The following ADAMTS10 variants were observed in gnomAD, a reference collection of about 807,000 sequenced individuals.
ADAMTS10 encodes ADAM metallopeptidase with thrombospondin type 1 motif 10, also known as A disintegrin and metalloproteinase with thrombospondin motifs 10.
ADAMTS10 carries 48 observed loss-of-function variants against 135.9 expected under a neutral mutation model. That is an observed-to-expected ratio of 0.35 (90% confidence interval 0.28 to 0.45). ADAMTS10 has a LOEUF of 0.45. Ranked by LOEUF, ADAMTS10 falls within the 20% of genes least tolerant of loss-of-function variation. The pLI, the probability that ADAMTS10 is intolerant of heterozygous loss-of-function variation, is 1.00. For synonymous variants in ADAMTS10, 621 were observed against 647.5 expected (o/e 0.96, Z 0.62); for missense variants, 1,131 against 1,565.2 (o/e 0.72, Z 4.68).
chr19:8,596,268 C>A lies in ADAMTS10; in HGVS notation c.1190+39G>T. On this transcript the variant is annotated intron_variant, in intron 10 of 25. Coordinates refer to ENST00000597188, the MANE Select transcript of ADAMTS10 (RefSeq NM_030957.4). This position sits in a 1 kb window ranked among gnomAD's most constrained non-coding sequence, Gnocchi z 7.2. ...GCCGGGCGCTGAGGGACCCGCCCAG[C>A]TCCTCCCCTCCTCCCCCTCTTGTGT... 1.9e-6 allele frequency: 3 copies of A among 1,612,778 alleles called. No individual in the cohort carries two copies. The highest frequency in any genetic ancestry group is 2.5e-6 in the Non-Finnish European group (3 of 1,180,006).
At chr19:8,593,169 G>A (rs2042564021) in intron 12 of ADAMTS10, 2 of 487,834 alleles carry the variant, frequency 4.1e-6, no homozygotes, top group Non-Finnish European at 7.5e-6. Flanking sequence ...AGGTCACACA[G>A]CTACTAAGGG....
chr19:8,604,836 A>G (rs2042702016), intron 4 of ADAMTS10, 176 bp downstream of exon 4: 1 of 714,470 alleles, frequency 1.4e-6, no homozygotes, highest in Admixed American at 2.6e-5. Context: ...GCCTTACCTA[A>G]GGCTATACAT....
At position 8,598,565 on chromosome 19, in the gene ADAMTS10, A is replaced by AT. The variant is rs34389376; in HGVS notation, c.811-1249dup. Among the ~76,000 whole-genome samples, 149 of 70,744 alleles carry AT rather than the reference A, an allele frequency of 2.1e-3. 2 individuals carry two copies. Among genetic ancestry groups the AT allele is most frequent in the South Asian group, 2.9e-3 (5 of 1,702 alleles). The allele number at this position is 70,744 out of a possible 152,430, so 46.4% of individuals were successfully genotyped here. ...ATTTCCCCGTCTGGAAATCCCCAGA[A>AT]TTTTTTTTTTTTTTTTTTTTTTTTT... On this transcript the variant is annotated intron_variant, in intron 6 of 25. Transcript: ENST00000597188.
chr19:8,594,793 G>A (rs2042583161), intron 12 of ADAMTS10, among the ~76,000 whole-genome samples: 1 of 152,202 alleles, frequency 6.6e-6, no homozygotes, highest in Admixed American at 6.5e-5. Flanking sequence ...ATCATTGTTA[G>A]GATACCTGGG....
At chr19:8,584,154 C>CAAAAAAAAAAAAAAAAAAAAAAAAAAAAA (rs34412373) in intron 25 of ADAMTS10, among the ~76,000 whole-genome samples, 1 of 44,890 alleles carries the variant, frequency 2.2e-5, no homozygotes, top group Non-Finnish European at 4.2e-5. Flanking sequence ...GACTCCATCT[C>CAAAAAAAAAAAAAAAAAAAAAAAAAAAAA]AAAAAAAAAA....
rs1417553924 is a variant in ADAMTS10, at chr19:8,591,940, G to T, written c.1733+18C>A. On this transcript the variant is annotated intron_variant, in intron 14 of 25. Coordinates refer to ENST00000597188, the MANE Select transcript of ADAMTS10 (RefSeq NM_030957.4). ...AGGGGTCGCGCTGCCCTCCCGGGTG[G>T]GGGTCCTGAGGGCTGACCTGGGGCT... 2 of 1,611,950 alleles carry T rather than the reference G, an allele frequency of 1.2e-6. No homozygotes were observed. Among genetic ancestry groups the T allele is most frequent in the Non-Finnish European group, 1.7e-6 (2 of 1,179,628 alleles).
intron 2 of ADAMTS10, among the ~76,000 whole-genome samples, chr19:8,606,787 C>G (rs1193991581): frequency 2.0e-5 from 3 of 152,160 alleles, no homozygotes; most frequent in African/African-American, 7.2e-5. Flanking sequence ...GGGGGCATGA[C>G]AGCCAGGCAT....
rs1159059721 is a variant in ADAMTS10 at position 8,585,188 on chromosome 19, G to C, written c.2986C>G (p.Arg996Gly). Residue 996 changes from arginine to glycine, a missense_variant, in exon 24 of 26, where the codon CGC becomes GGC. Arg to Gly is a moderately radical substitution (Grantham distance 125, BLOSUM62 -2). This residue lies in a region of ADAMTS10 where 745 missense variants were observed against 1,056.3 expected (regional missense o/e 0.71). Coordinates refer to ENST00000597188, the MANE Select transcript of ADAMTS10 (RefSeq NM_030957.4). ...GGGGGGCAGCGGCGCAAGTTGCAGC[G>C]CATGGTGGCCGGTGGCTTGGCGGCG... is the stretch of plus-strand genomic sequence containing the variant. ...SPAAKPPATMRCNLRRCPPAR... is the reference protein window; with the variant it reads ...SPAAKPPATMGCNLRRCPPAR... 4.2e-6 allele frequency: 6 copies of C among 1,417,738 alleles called. No homozygotes were observed. The highest frequency in any genetic ancestry group is 1.5e-5 in the African/African-American group (1 of 67,094). The allele number at this position is 1,417,738 out of a possible 1,614,324, so 87.8% of individuals were successfully genotyped here. A position where few individuals can be genotyped will look rare whatever the true frequency, so the allele number is the denominator to read the frequency against.
chr19:8,605,139 G>T lies in ADAMTS10; in HGVS notation c.308C>A (p.Ser103Tyr). 1 of 1,613,824 alleles carries T rather than the reference G, an allele frequency of 6.2e-7. No homozygotes were observed. Among genetic ancestry groups the T allele is most frequent in the Non-Finnish European group, 8.5e-7 (1 of 1,179,932 alleles). Reference protein sequence around the residue: ...RSSRLLAGHVSVEYWTREGLA... With the variant: ...RSSRLLAGHVYVEYWTREGLA... ...GCCCTCCCGTGTCCAGTACTCCACGGAGACGTGCCCTGCCAGTAGACGGGA... is the reference window on the plus strand; with the variant it reads ...GCCCTCCCGTGTCCAGTACTCCACGTAGACGTGCCCTGCCAGTAGACGGGA... The change falls in exon 4 of 26, where the codon TCC (serine) becomes TAC (tyrosine). Residue 103 changes from serine (S) to tyrosine (Y), a missense_variant. Physicochemically the swap from Ser to Tyr is moderately radical, Grantham distance 144. Transcript: ENST00000597188. The surrounding 1 kb of genome is among the most constrained non-coding windows in gnomAD (Gnocchi z 7.7).
In ADAMTS10 at chr19:8,589,511, C is replaced by T; in HGVS notation, c.1975G>A (p.Val659Met). Residue 659 changes from valine (V) to methionine (M), a missense_variant, in exon 17 of 26, where the codon GTG becomes ATG. Val to Met is a conservative substitution (Grantham distance 21, BLOSUM62 1). Around this residue, in one of 3 missense-constraint regions of ADAMTS10, gnomAD observed 745 missense variants for 1,056.3 expected, o/e 0.71. Coordinates refer to ENST00000597188, the MANE Select transcript of ADAMTS10 (RefSeq NM_030957.4). ...NFYTERAAAVVDGTPCRPDTV... is the reference protein window; with the variant it reads ...NFYTERAAAVMDGTPCRPDTV... ...TCTGGACGGCAGGGTGTCCCGTCCACCACGGCTGCCGCCCTCTCCGTGTAG... is the reference window on the plus strand; with the variant it reads ...TCTGGACGGCAGGGTGTCCCGTCCATCACGGCTGCCGCCCTCTCCGTGTAG... 1 of 1,613,564 alleles carries T rather than the reference C, an allele frequency of 6.2e-7. No individual in the cohort carries two copies. Among genetic ancestry groups the T allele is most frequent in the Non-Finnish European group, 8.5e-7 (1 of 1,179,978 alleles).
chr19:8,580,784 C>T lies in ADAMTS10; in HGVS notation c.*109G>A. The T allele has an allele frequency of 1.2e-6, 1 of 847,114 alleles. No homozygotes were observed. The highest frequency in any genetic ancestry group is 1.9e-6 in the Non-Finnish European group (1 of 532,360). 52.5% of individuals were successfully genotyped at this position (847,114 alleles called of 1,614,324 possible). A position where few individuals can be genotyped will look rare whatever the true frequency, so the allele number is the denominator to read the frequency against. ...CCCAATAAATAACTTCCGGCTCCGT[C>T]TCACCCTTCCCTCCCAGTTCCCGCC... On this transcript the variant is annotated 3_prime_UTR_variant, in exon 26 of 26. Transcript: ENST00000597188.
chr19:8,586,855 T>C lies in ADAMTS10; in HGVS notation c.2200A>G (p.Ile734Val), dbSNP rs143369078. Residue 734 changes from isoleucine to valine, a missense_variant, in exon 19 of 26, where the codon ATC becomes GTC. Physicochemically the swap from Ile to Val is conservative, Grantham distance 29 (BLOSUM62 3). Coordinates refer to ENST00000597188, the MANE Select transcript of ADAMTS10 (RefSeq NM_030957.4). Reference protein sequence around the residue: ...VVWIPKGSVHIFIQDLNLSLS... With the variant: ...VVWIPKGSVHVFIQDLNLSLS... ...GAGAGGTTCAGATCCTGGATGAAGA[T>C]GTGGACGGAGCCTTTGGGAATCCAG... 4 of 1,614,072 alleles carry C rather than the reference T, an allele frequency of 2.5e-6. No individual in the cohort carries two copies. The highest frequency in any genetic ancestry group is 2.7e-5 in the African/African-American group (2 of 74,928).
At chr19:8,598,529 C>G (rs1415446796) in intron 6 of ADAMTS10, among the ~76,000 whole-genome samples, 3 of 149,904 alleles carry the variant, frequency 2.0e-5, no homozygotes, top group African/African-American at 7.4e-5. Context: ...ATCTTGGAAC[C>G]CTGGGTAATC....
chr19:8,596,486 G>T lies in ADAMTS10; in HGVS notation c.1084+56C>A. On this transcript the variant is annotated intron_variant, in intron 9 of 25. Coordinates refer to ENST00000597188, the MANE Select transcript of ADAMTS10 (RefSeq NM_030957.4). This position sits in a 1 kb window ranked among gnomAD's most constrained non-coding sequence, Gnocchi z 7.2. ...CTGGCTGGCCCCATCCACCTGCCAG[G>T]TCTCACCCCAGCCCACTGCCTTCAT... The T allele has an allele frequency of 1.9e-6, 3 of 1,613,338 alleles. No individual in the cohort carries two copies. The highest frequency in any genetic ancestry group is 2.5e-6 in the Non-Finnish European group (3 of 1,179,362).
At chr19:8,607,469 C>T (rs782550578) in intron 2 of ADAMTS10, among the ~76,000 whole-genome samples, 9 of 152,188 alleles carry the variant, frequency 5.9e-5, no homozygotes, top group Non-Finnish European at 1.3e-4. Flanking sequence ...GCCGCAGACA[C>T]CACTTTGGGC....
At chr19:8,602,913 C>T (rs539334488) in intron 5 of ADAMTS10, among the ~76,000 whole-genome samples, 13 of 152,308 alleles carry the variant, frequency 8.5e-5, no homozygotes, top group Admixed American at 3.9e-4. Context: ...AGGTGTGAGC[C>T]ACCATGCCCG....
chr19:8,599,391 T>G (rs1555740957), intron 6 of ADAMTS10, among the ~76,000 whole-genome samples: 2 of 151,808 alleles, frequency 1.3e-5, no homozygotes, highest in African/African-American at 2.4e-5. Context: ...AGTGCAATGG[T>G]GCGATCTTGG....
In ADAMTS10 at chr19:8,586,925, C is replaced by T. The variant is rs782452080; in HGVS notation, c.2159-29G>A. 4.3e-6 allele frequency: 7 copies of T among 1,613,188 alleles called. No individual in the cohort carries two copies. The South Asian group carries it at 4.4e-5, about 10-fold the overall frequency. ...AACAGCAGAGCTCAGATGTCACCCA[C>T]TTGGCATGTCCCCAACACCTGCCTG... On this transcript the variant is annotated intron_variant, in intron 18 of 25. Transcript: ENST00000597188.
At chr19:8,585,795 T>G in intron 22 of ADAMTS10, 135 bp from the exon 23 acceptor site, 1 of 938,448 alleles carries the variant, frequency 1.1e-6, no homozygotes, top group Non-Finnish European at 1.6e-6. Context: ...CACCTCCACA[T>G]TCCACACTTG....
Sources: allele counts gnomAD v4.1 joint callset (sites outside exome capture counted in the v4.1 genomes callset), GRCh38; gene constraint gnomAD v4.1.1; regional missense constraint gnomAD v4.1.1; non-coding constraint Gnocchi (gnomAD v3.1); transcripts MANE v1.5; gene names NCBI Gene and HGNC (gene_info 2026-07-23, HGNC 2026-07-21).